IFT122: variants seen among roughly 807,000 people sequenced by gnomAD.
IFT122 encodes intraflagellar transport 122, also known as intraflagellar transport protein 122 homolog.
Under a neutral mutation model 161.6 loss-of-function variants are expected in IFT122, and 118 were observed. The observed-to-expected ratio is 0.73, with a 90% CI of 0.63 to 0.85. IFT122 has a LOEUF of 0.85. Among genes scored for constraint, IFT122 ranks in the 40% least tolerant of loss-of-function variants. IFT122 has a pLI of 0.00. For missense variants in IFT122, 1,381 were observed against 1,579.6 expected (o/e 0.87, Z 2.13); for synonymous variants, 550 against 602.4 (o/e 0.91, Z 1.27).
At chr3:129,460,993 C>T in intron 4 of IFT122, 1 of 1,454,078 alleles carries the variant, frequency 6.9e-7, no homozygotes, top group Non-Finnish European at 9.7e-7. Flanking sequence ...CGTTCAAAAC[C>T]AACCTGGCCA....
In IFT122 at chr3:129,440,274, T is replaced by C; in HGVS notation, c.-57T>C. The stretch of plus-strand genomic sequence containing the variant: ...GGAGTGGCGACCGTTAGTGAGGCGG[T>C]TGCTGAGACAGACGCTGAGGCGGGT... On this transcript the variant is annotated 5_prime_UTR_variant, in exon 1 of 30. Coordinates refer to ENST00000348417, the MANE Select transcript of IFT122 (RefSeq NM_052989.3). The C allele has an allele frequency of 1.9e-6, 3 of 1,547,346 alleles. No individual in the cohort carries two copies. The highest frequency in any genetic ancestry group is 2.6e-6 in the Non-Finnish European group (3 of 1,146,020).
At position 129,507,683 on chromosome 3, in the gene IFT122, A is replaced by C. The variant is rs777485821; in HGVS notation, c.2807A>C (p.Asp936Ala). ...CACACAGCAGATCCTGCCCAGAAGGACACAATGCTTGGCAAGTTCTACCAC... is the reference window on the plus strand; with the variant it reads ...CACACAGCAGATCCTGCCCAGAAGGCCACAATGCTTGGCAAGTTCTACCAC... ...LDIAQDPAQK[D>A]TMLGKFYHFQ... is the part of the protein sequence containing the mutation. Residue 936 changes from aspartate (D) to alanine (A), a missense_variant, in exon 23 of 30, where the codon GAC becomes GCC. By Grantham distance (126) the Asp-to-Ala change is moderately radical. Coordinates refer to ENST00000348417, the MANE Select transcript of IFT122 (RefSeq NM_052989.3). 9.9e-6 allele frequency: 16 copies of C among 1,614,004 alleles called. No homozygotes were observed. The highest frequency in any genetic ancestry group is 1.4e-5 in the Non-Finnish European group (16 of 1,179,972).
At chr3:129,511,641 G>A (rs568664298) in intron 23 of IFT122, among the ~76,000 whole-genome samples, 1 of 152,338 alleles carries the variant, frequency 6.6e-6, no homozygotes, top group South Asian at 2.1e-4. Context: ...TGTCTGCTGA[G>A]CTTCTGGCAG....
chr3:129,481,435 G>T lies in IFT122; in HGVS notation c.1489-95G>T, dbSNP rs1409364511. 1.5e-5 allele frequency: 18 copies of T among 1,162,634 alleles called. No individual in the cohort carries two copies. The Admixed American group carries it at 3.1e-4, about 20-fold the overall frequency. 72.0% of individuals were successfully genotyped at this position (1,162,634 alleles called of 1,614,324 possible). The stretch of plus-strand genomic sequence containing the variant: ...GCTTCTGGTGAAGGTGGTGGGAGTT[G>T]TTCTTGCAGAGCACATGGGATTCCA... On this transcript the variant is annotated intron_variant, in intron 13 of 29. Coordinates refer to ENST00000348417, the MANE Select transcript of IFT122 (RefSeq NM_052989.3).
Position 129,461,217 on chromosome 3 carries a change from T to G in IFT122, c.273-11T>G. ...TTGCTGCATAGTAATCTACAGTTGTTTACTTCCCAGGCACAATGATGCTAT... is the reference window on the plus strand; with the variant it reads ...TTGCTGCATAGTAATCTACAGTTGTGTACTTCCCAGGCACAATGATGCTAT... On this transcript the variant is annotated splice_polypyrimidine_tract_variant and intron_variant, in intron 4 of 29. Coordinates refer to ENST00000348417, the MANE Select transcript of IFT122 (RefSeq NM_052989.3). 6.2e-7 allele frequency: 1 copy of G among 1,606,140 alleles called. No homozygotes were observed. The highest frequency in any genetic ancestry group is 2.2e-5 in the East Asian group (1 of 44,856).
intron 23 of IFT122, among the ~76,000 whole-genome samples, chr3:129,509,854 G>C (rs1472099913): frequency 6.6e-6 from 1 of 152,186 alleles, no homozygotes; most frequent in African/African-American, 2.4e-5. Flanking sequence ...ATGACACTGT[G>C]TTACTTATCT....
chr3:129,464,379 G>A (rs1488452895), intron 6 of IFT122, among the ~76,000 whole-genome samples: 1 of 152,154 alleles, frequency 6.6e-6, no homozygotes, highest in Admixed American at 6.5e-5. Flanking sequence ...TGTCATAGAG[G>A]TATGTACAGA....
chr3:129,514,475 T>TG lies in IFT122; in HGVS notation c.3075dup (p.Tyr1026ValfsTer11), dbSNP rs2083230493. 3 of 1,614,240 alleles carry TG rather than the reference T, an allele frequency of 1.9e-6. No homozygotes were observed. The highest frequency in any genetic ancestry group is 3.3e-5 in the Admixed American group (2 of 60,036). On this transcript the variant is annotated frameshift_variant, in exon 25 of 30. Coordinates refer to ENST00000348417, the MANE Select transcript of IFT122 (RefSeq NM_052989.3). LOFTEE classifies it high-confidence loss of function. Reference sequence around the variant, plus strand: ...CACGCCTATGACAAGCTGCGTGGCCTGTACATCCCTGCCAGATTCCAAAAG... The same window carrying TG: ...CACGCCTATGACAAGCTGCGTGGCCTGGTACATCCCTGCCAGATTCCAAAAG...
Position 129,452,035 on chromosome 3 carries a change from G to A in IFT122, c.193+37G>A, listed in dbSNP as rs768492829. On this transcript the variant is annotated intron_variant, in intron 3 of 29. Transcript: ENST00000348417. Reference sequence around the variant, plus strand: ...CTCTGGGTTTCCATTCTCTATAATAGCCTCATCATTGTTCATTTTTCTCTT... The same window carrying A: ...CTCTGGGTTTCCATTCTCTATAATAACCTCATCATTGTTCATTTTTCTCTT... 1.2e-5 allele frequency: 17 copies of A among 1,384,234 alleles called. No individual in the cohort carries two copies. The South Asian group carries it at 2.0e-4, about 16-fold the overall frequency. 85.7% of individuals were successfully genotyped at this position (1,384,234 alleles called of 1,614,324 possible). A position where few individuals can be genotyped will look rare whatever the true frequency, so the allele number is the denominator to read the frequency against.
chr3:129,460,958 G>A (rs2076151848), intron 4 of IFT122: 1 of 1,607,344 alleles, frequency 6.2e-7, no homozygotes. Context: ...GGCCAAGGTG[G>A]GAGGATTGAT....
rs2076523076 is a variant in IFT122 at position 129,464,621 on chromosome 3, G to T, written c.417-14G>T. On this transcript the variant is annotated splice_polypyrimidine_tract_variant and intron_variant, in intron 6 of 29. Transcript: ENST00000348417. ...TTCCCCTATCCCCATGCCTTTTGTTGGTTGTGTACACAGCTGGACAAATGA... is the reference window on the plus strand; with the variant it reads ...TTCCCCTATCCCCATGCCTTTTGTTTGTTGTGTACACAGCTGGACAAATGA... 6 of 1,613,902 alleles carry T rather than the reference G, an allele frequency of 3.7e-6. No individual in the cohort carries two copies. Among genetic ancestry groups the T allele is most frequent in the African/African-American group, 1.3e-5 (1 of 74,882 alleles).
At chr3:129,479,971 C>G in intron 13 of IFT122, 49 bp downstream of exon 13, 1 of 1,609,654 alleles carries the variant, frequency 6.2e-7, no homozygotes, top group Non-Finnish European at 8.5e-7. Flanking sequence ...TGCATGCACA[C>G]GTGGGTGACC....
chr3:129,513,455 A>G (rs1045413030), intron 24 of IFT122: 2 of 152,286 alleles, frequency 1.3e-5, no homozygotes, highest in East Asian at 1.9e-4. Context: ...ATACCCTCAA[A>G]TCAAGGGGTG....
chr3:129,501,734 G>A (rs2081577026), intron 19 of IFT122, among the ~76,000 whole-genome samples: 3 of 152,226 alleles, frequency 2.0e-5, no homozygotes, highest in Admixed American at 6.5e-5. Flanking sequence ...CTCCAGGGAC[G>A]TTGGGTGTGA....
chr3:129,489,768 GGCGGAGC>G (rs1462478880), intron 16 of IFT122, among the ~76,000 whole-genome samples: 50 of 151,868 alleles, frequency 3.3e-4, no homozygotes, highest in African/African-American at 1.2e-3. Flanking sequence ...GAACCTGGGA[GGCGGAGC>G]GTGCAGTGAG....
At chr3:129,509,586 A>G (rs1486317751) in intron 23 of IFT122, among the ~76,000 whole-genome samples, 1 of 152,268 alleles carries the variant, frequency 6.6e-6, no homozygotes, top group African/African-American at 2.4e-5. Flanking sequence ...CATCATTTGC[A>G]TAGTCTAAAA....
intron 3 of IFT122, among the ~76,000 whole-genome samples, chr3:129,452,635 A>C (rs558635274): frequency 3.3e-5 from 5 of 152,320 alleles, no homozygotes; most frequent in Non-Finnish European, 7.3e-5. Flanking sequence ...CGGGAATTGT[A>C]GAGGATGAGG....
intron 26 of IFT122, among the ~76,000 whole-genome samples, chr3:129,516,477 ATG>A (rs1187255322): frequency 1.1e-4 from 14 of 127,460 alleles, no homozygotes; most frequent in East Asian, 2.4e-4. Context: ...GCACACACAC[ATG>A]GAGACTGCCC....
intron 1 of IFT122, among the ~76,000 whole-genome samples, chr3:129,442,382 A>C (rs1012535481): frequency 6.6e-6 from 1 of 152,106 alleles, no homozygotes; most frequent in Non-Finnish European, 1.5e-5. Flanking sequence ...GATATATATA[A>C]AACGAAATAC....
Sources: gnomAD v4.1 joint callset for allele counts (sites outside exome capture counted in the v4.1 genomes callset) on GRCh38, gnomAD v4.1.1 for gene constraint, MANE v1.5 for transcripts, NCBI Gene and HGNC (gene_info 2026-07-23, HGNC 2026-07-21) for gene names.